The following RRM1 variants were observed in gnomAD, a reference collection of about 807,000 sequenced individuals.
RRM1 encodes ribonucleoside-diphosphate reductase large subunit.
Under a neutral mutation model 101.5 loss-of-function variants are expected in RRM1, and 19 were observed. That is an observed-to-expected ratio of 0.19 (90% CI 0.13 to 0.27). RRM1 has a LOEUF of 0.27. RRM1 is among the 10% of genes least tolerant of loss of function. The probability of loss-of-function intolerance (pLI) is 1.00; values close to 1 mark genes in which losing one functional copy is unlikely to be tolerated. For missense variants in RRM1, 500 were observed against 962.9 expected (o/e 0.52, Z 6.36); for synonymous variants, 298 against 323.4 (o/e 0.92, Z 0.84).
At chr11:4,127,005 T>A (rs1305832022) in intron 13 of RRM1, 30 bp from the exon 14 acceptor site, 1 of 1,573,880 alleles carries the variant, frequency 6.4e-7, no homozygotes, top group Admixed American at 1.8e-5. Context: ...TAATGTTTTC[T>A]CCTTTTCTTT....
chr11:4,120,377 G>GT (rs201168606), intron 9 of RRM1, among the ~76,000 whole-genome samples: 478 of 145,764 alleles, frequency 3.3e-3, no homozygotes, highest in African/African-American at 6.0e-3. Context: ...TTTTTCTTTC[G>GT]TTTTTTTTTT....
In RRM1 at chr11:4,138,190, T is replaced by C; in HGVS notation, c.2191-5T>C. 3.3e-6 allele frequency: 5 copies of C among 1,504,356 alleles called. No individual in the cohort carries two copies. Among genetic ancestry groups the C allele is most frequent in the Non-Finnish European group, 4.6e-6 (5 of 1,095,880 alleles). 93.2% of individuals were successfully genotyped at this position (1,504,356 alleles called of 1,614,324 possible). On this transcript the variant is annotated splice_polypyrimidine_tract_variant and splice_region_variant and intron_variant, in intron 18 of 18. Transcript: ENST00000300738. ...TCCTAATAATTGTCTTTACTTTCCT[T>C]GTAGGGTTTGAAGACTGGGATGTAT...
At chr11:4,126,856 A>C in intron 13 of RRM1, 23 bp downstream of exon 13, 1 of 1,559,530 alleles carries the variant, frequency 6.4e-7, no homozygotes. Flanking sequence ...TTCTCTGCTT[A>C]TTGGTAATTA....
intron 1 of RRM1, among the ~76,000 whole-genome samples, chr11:4,095,535 C>T (rs1201957470): frequency 3.3e-5 from 5 of 152,184 alleles, no homozygotes; most frequent in Non-Finnish European, 4.4e-5. Flanking sequence ...CTCTACCCTC[C>T]GTAGGCACTT....
At chr11:4,122,115 G>A (rs2094582763) in intron 10 of RRM1, 26 bp from the exon 11 acceptor site, 1 of 1,566,306 alleles carries the variant, frequency 6.4e-7, no homozygotes, top group South Asian at 1.1e-5. Flanking sequence ...AGTTTCTTAT[G>A]AGTGATTTTG....
intron 1 of RRM1, among the ~76,000 whole-genome samples, chr11:4,097,469 T>TTATATTTC (rs1374793111): frequency 6.6e-6 from 1 of 151,994 alleles, no homozygotes; most frequent in Non-Finnish European, 1.5e-5. Flanking sequence ...CTTTTTTTTT[T>TTATATTTC]TATATTTCTA....
chr11:4,097,378 C>G (rs191956803), intron 1 of RRM1, among the ~76,000 whole-genome samples: 477 of 151,184 alleles, frequency 3.2e-3, no homozygotes, highest in African/African-American at 0.011. Context: ...CAATTTGATC[C>G]AGATGGTTCA....
intron 1 of RRM1, 103 bp downstream of exon 1, chr11:4,095,134 C>CTTTCCCGCA (rs1464971005): frequency 1.1e-5 from 15 of 1,381,524 alleles, no homozygotes; most frequent in African/African-American, 8.6e-5. Context: ...TGCTTCCCGC[C>CTTTCCCGCA]TTTCCCGCAT....
intron 12 of RRM1, among the ~76,000 whole-genome samples, chr11:4,123,654 T>C (rs1565186935): frequency 6.6e-6 from 1 of 152,166 alleles, no homozygotes. Context: ...AATAGAAATA[T>C]ACAGTTATGT....
intron 18 of RRM1, among the ~76,000 whole-genome samples, chr11:4,137,518 G>A (rs1240269771): frequency 2.8e-5 from 2 of 70,918 alleles, no homozygotes; most frequent in Non-Finnish European, 6.0e-5. Flanking sequence ...CCTCCCTCCC[G>A]GACGGGGCGG....
rs1590735393 is a variant in RRM1, at chr11:4,135,063, T to C, written c.2002-19T>C. ...TTCTTTAACTGGAGTAAAGTAAACA[T>C]TGGGTTTTCCTTCTTTAGAGCATAC... is the stretch of plus-strand genomic sequence containing the variant. On this transcript the variant is annotated intron_variant, in intron 17 of 18. Transcript: ENST00000300738. The C allele has an allele frequency of 1.3e-6, 2 of 1,572,706 alleles. No homozygotes were observed. The highest frequency in any genetic ancestry group is 1.7e-6 in the Non-Finnish European group (2 of 1,151,960).
In RRM1 at chr11:4,138,407, A is replaced by G. The variant is rs1256806517; in HGVS notation, c.*24A>G. Reference sequence around the variant, plus strand: ...GAGGAAAGACTTGGAAGAGACCAGCATGTCTTCAGTAGCCAAACTACTTCT... The same window carrying G: ...GAGGAAAGACTTGGAAGAGACCAGCGTGTCTTCAGTAGCCAAACTACTTCT... On this transcript the variant is annotated 3_prime_UTR_variant, in exon 19 of 19. Transcript: ENST00000300738. 7.7e-6 allele frequency: 12 copies of G among 1,562,116 alleles called. No individual in the cohort carries two copies. The highest frequency in any genetic ancestry group is 1.0e-5 in the Non-Finnish European group (12 of 1,153,748).
At chr11:4,110,192 G>A (rs2094563441) in intron 5 of RRM1, among the ~76,000 whole-genome samples, 1 of 151,908 alleles carries the variant, frequency 6.6e-6, no homozygotes. Context: ...TCACTGTGTT[G>A]ACTAGGCTGG....
intron 9 of RRM1, 156 bp from the exon 10 acceptor site, chr11:4,121,448 T>C (rs971410012): frequency 2.1e-6 from 1 of 481,362 alleles, no homozygotes; most frequent in African/African-American, 2.0e-5. Flanking sequence ...TTTACAATTA[T>C]ATATGGAAAA....
At chr11:4,134,138 A>G (rs1223828561) in intron 17 of RRM1, among the ~76,000 whole-genome samples, 1 of 151,936 alleles carries the variant, frequency 6.6e-6, no homozygotes. Flanking sequence ...GCCTGCCACC[A>G]CGCCCGGCTG....
intron 17 of RRM1, 53 bp from the exon 18 acceptor site, chr11:4,135,029 T>C (rs558207476): frequency 2.9e-6 from 4 of 1,364,640 alleles, no homozygotes; most frequent in East Asian, 4.6e-5. Flanking sequence ...CTATTAATCA[T>C]ACACTGCTTT....
rs1343933249 is a variant in RRM1, at chr11:4,126,724, A to G, written c.1361A>G (p.Tyr454Cys). 6.2e-7 allele frequency: 1 copy of G among 1,613,426 alleles called. No individual in the cohort carries two copies. Among genetic ancestry groups the G allele is most frequent in the African/African-American group, 1.3e-5 (1 of 74,918 alleles). The change falls in exon 13 of 19, where the codon TAT becomes TGT. Residue 454 changes from tyrosine to cysteine, a missense_variant. This residue lies in a region of RRM1 where 80 missense variants were observed against 170.9 expected (regional missense o/e 0.47). Transcript: ENST00000300738. Reference protein sequence around the residue: ...CNLASLALNMYVTSEHTYDFK... With the variant: ...CNLASLALNMCVTSEHTYDFK... ...TTGGCTTCCCTGGCCCTGAATATGT[A>G]TGTCACATCAGAACACACATACGAC...
At chr11:4,133,746 A>ATTCT in intron 17 of RRM1, 88 bp downstream of exon 17, 1 of 722,096 alleles carries the variant, frequency 1.4e-6, no homozygotes, top group Non-Finnish European at 2.4e-6. Flanking sequence ...GGAGAGAATG[A>ATTCT]CTTCATTGTG....
At chr11:4,106,842 G>A (rs1267874824) in intron 3 of RRM1, among the ~76,000 whole-genome samples, 3 of 152,106 alleles carry the variant, frequency 2.0e-5, no homozygotes, top group Non-Finnish European at 4.4e-5. Context: ...CCTATCTGCT[G>A]CATAAAAAGG....
Sources: allele counts gnomAD v4.1 joint callset (sites outside exome capture counted in the v4.1 genomes callset), GRCh38; gene constraint gnomAD v4.1.1; regional missense constraint gnomAD v4.1.1; transcripts MANE v1.5; gene names NCBI Gene and HGNC (gene_info 2026-07-23, HGNC 2026-07-21).